Variants in TECRL observed in about 807,000 individuals in gnomAD.
TECRL encodes the protein trans-2,3-enoyl-CoA reductase-like.
In TECRL, 63 loss-of-function variants were observed where a neutral mutation model predicts 52.8. The observed-to-expected ratio is 1.19, with a 90% CI of 0.97 to 1.47. TECRL has a LOEUF of 1.47. Ranked by LOEUF, TECRL falls within the 40% of genes most tolerant of loss-of-function variation. TECRL has a pLI of 0.00. For synonymous variants in TECRL, 164 were observed against 141.9 expected, an observed-to-expected ratio of 1.16 and a Z score of -1.10; for missense variants, 482 against 429.6, an observed-to-expected ratio of 1.12 and a Z score of -1.08.
At chr4:64,286,287 A>G (rs1349770971) in intron 9 of TECRL, among the ~76,000 whole-genome samples, 1 of 152,118 alleles carries the variant, frequency 6.6e-6, no homozygotes, top group Non-Finnish European at 1.5e-5. Context: ...GAAATTGTGG[A>G]CAAGGAAGAA....
At position 64,306,779 on chromosome 4, in the gene TECRL, C is replaced by T. The variant is rs567623304; in HGVS notation, c.658-1541G>A. Among the ~76,000 whole-genome samples the T allele has an allele frequency of 5.3e-5, 8 of 152,318 alleles. No individual in the cohort carries two copies. In the South Asian group the frequency reaches 1.0e-3, roughly 20 times the overall value. Reference sequence around the variant, plus strand: ...TTCCATGAGAGAAGTCAGCACTGCTCAGCAAGCATTGAAGTGTGCACTATG... The same window carrying T: ...TTCCATGAGAGAAGTCAGCACTGCTTAGCAAGCATTGAAGTGTGCACTATG... On this transcript the variant is annotated intron_variant, in intron 6 of 11. Coordinates refer to ENST00000381210, the MANE Select transcript of TECRL (RefSeq NM_001010874.5).
chr4:64,392,135 G>C (rs560674624), intron 1 of TECRL, among the ~76,000 whole-genome samples: 6 of 151,996 alleles, frequency 3.9e-5, no homozygotes, highest in Non-Finnish European at 7.4e-5. Flanking sequence ...AACATTGACT[G>C]TTTCTAAGGC....
chr4:64,313,952 T>A (rs1453007855), intron 5 of TECRL, among the ~76,000 whole-genome samples: 1 of 124,754 alleles, frequency 8.0e-6, no homozygotes, highest in African/African-American at 3.0e-5. Flanking sequence ...GCTAACACGG[T>A]GAAATCCCGT....
chr4:64,341,064 G>T (rs1719535311), intron 2 of TECRL, among the ~76,000 whole-genome samples: 1 of 152,218 alleles, frequency 6.6e-6, no homozygotes, highest in Non-Finnish European at 1.5e-5. Context: ...GGGACAACCT[G>T]CCCATGGAGA....
At chr4:64,355,794 C>CAAAAAAAA (rs1161940429) in intron 2 of TECRL, among the ~76,000 whole-genome samples, 6 of 119,718 alleles carry the variant, frequency 5.0e-5, no homozygotes, top group Non-Finnish European at 6.8e-5. Context: ...GACTCTGTCT[C>CAAAAAAAA]AAAAAAAAAA....
At chr4:64,341,657 GAGA>G (rs1394541505) in intron 2 of TECRL, among the ~76,000 whole-genome samples, 2 of 152,146 alleles carry the variant, frequency 1.3e-5, no homozygotes, top group Non-Finnish European at 2.9e-5. Flanking sequence ...TGCAGGTGAA[GAGA>G]AGGAGAGAAA....
intron 4 of TECRL, among the ~76,000 whole-genome samples, chr4:64,319,857 A>G (rs1577865519): frequency 6.6e-6 from 1 of 151,930 alleles, no homozygotes; most frequent in African/African-American, 2.4e-5. Context: ...ATCTCAAAAT[A>G]TTGTCTGAAT....
At chr4:64,386,054 A>G (rs1723159623) in intron 1 of TECRL, among the ~76,000 whole-genome samples, 2 of 152,118 alleles carry the variant, frequency 1.3e-5, no homozygotes, top group African/African-American at 4.8e-5. Flanking sequence ...CTTGTATAGG[A>G]AGCAAATGTC....
At chr4:64,383,950 T>C (rs1207326703) in intron 1 of TECRL, among the ~76,000 whole-genome samples, 1 of 152,154 alleles carries the variant, frequency 6.6e-6, no homozygotes, top group Admixed American at 6.6e-5. Flanking sequence ...CCTTTGATTC[T>C]TGGTGGGTGC....
intron 2 of TECRL, among the ~76,000 whole-genome samples, chr4:64,359,563 T>A (rs1721030849): frequency 6.6e-6 from 1 of 151,892 alleles, no homozygotes; most frequent in East Asian, 1.9e-4. Context: ...CACCATGTCA[T>A]GAAAGATGAA....
chr4:64,370,402 C>T (rs952335554), intron 2 of TECRL, among the ~76,000 whole-genome samples: 3 of 151,700 alleles, frequency 2.0e-5, no homozygotes, highest in African/African-American at 7.2e-5. Flanking sequence ...TTGATAAGCA[C>T]AGGAGGCTAA....
At chr4:64,341,992 C>T (rs1183314800) in intron 2 of TECRL, among the ~76,000 whole-genome samples, 12 of 152,106 alleles carry the variant, frequency 7.9e-5, no homozygotes, top group South Asian at 2.1e-4. Flanking sequence ...GTGTGGGATC[C>T]GGGCCAGTAG....
At chr4:64,295,934 T>C (rs572260047) in intron 8 of TECRL, among the ~76,000 whole-genome samples, 1 of 152,090 alleles carries the variant, frequency 6.6e-6, no homozygotes, top group South Asian at 2.1e-4. Flanking sequence ...AGTATAAAAA[T>C]TGATTCCTGT....
chr4:64,335,153 G>T (rs1249777991), intron 2 of TECRL, among the ~76,000 whole-genome samples: 1 of 152,174 alleles, frequency 6.6e-6, no homozygotes, highest in Non-Finnish European at 1.5e-5. Flanking sequence ...TAGGAACCTG[G>T]CTGCACAGCA....
intron 1 of TECRL, among the ~76,000 whole-genome samples, chr4:64,380,022 A>G (rs1342537102): frequency 6.6e-6 from 1 of 152,098 alleles, no homozygotes; most frequent in Admixed American, 6.6e-5. Context: ...CTGATAGTGT[A>G]TAAGAATTTC....
chr4:64,297,162 A>G (rs1723733721), intron 8 of TECRL, among the ~76,000 whole-genome samples: 1 of 151,486 alleles, frequency 6.6e-6, no homozygotes, highest in Non-Finnish European at 1.5e-5. Flanking sequence ...ATATGTTAGA[A>G]AACTCAGAAT....
intron 6 of TECRL, 129 bp downstream of exon 6, chr4:64,309,697 T>A (rs1724551449): frequency 1.4e-6 from 1 of 697,446 alleles, no homozygotes; most frequent in Non-Finnish European, 2.6e-6. Flanking sequence ...AGGAAAAGAA[T>A]GTTTAAGTAT....
intron 2 of TECRL, among the ~76,000 whole-genome samples, chr4:64,333,768 C>T (rs998176469): frequency 7.9e-6 from 1 of 127,058 alleles, no homozygotes; most frequent in African/African-American, 3.7e-5. Flanking sequence ...CGCCTGTAAT[C>T]CCAGCACTTT....
At chr4:64,289,168 A>G (rs1442127305) in intron 9 of TECRL, among the ~76,000 whole-genome samples, 1 of 152,222 alleles carries the variant, frequency 6.6e-6, no homozygotes, top group African/African-American at 2.4e-5. Flanking sequence ...GAGACTAGCT[A>G]TAATGATTTA....
Sources: gnomAD v4.1 joint callset for allele counts (sites outside exome capture counted in the v4.1 genomes callset) on GRCh38, gnomAD v4.1.1 for gene constraint, MANE v1.5 for transcripts, NCBI Gene and HGNC (gene_info 2026-07-23, HGNC 2026-07-21) for gene names.